The following TRPA1 variants were observed in gnomAD, a reference collection of about 807,000 sequenced individuals.
TRPA1 encodes transient receptor potential cation channel subfamily A member 1, also known as ankyrin-like with transmembrane domains 1.
In TRPA1, 129 loss-of-function variants were observed where a neutral mutation model predicts 131.3. That is an observed-to-expected ratio of 0.98 (90% confidence interval 0.85 to 1.14). The LOEUF is 1.14. TRPA1 is among the 50% of genes most tolerant of loss of function. The pLI is 0.00. For synonymous variants in TRPA1, 441 were observed against 451.7 expected (o/e 0.98, Z 0.30); for missense variants, 1,304 against 1,354.2 (o/e 0.96, Z 0.58).
chr8:72,058,793 C>T (rs111777620), intron 8 of TRPA1, among the ~76,000 whole-genome samples: 84 of 152,228 alleles, frequency 5.5e-4, no homozygotes, highest in Admixed American at 1.6e-3. Flanking sequence ...AATGGAAATC[C>T]GTCATTGCTG....
intron 23 of TRPA1, among the ~76,000 whole-genome samples, chr8:72,031,294 C>T (rs1305142288): frequency 6.6e-6 from 1 of 152,146 alleles, no homozygotes. Context: ...AACCAACCAT[C>T]TCTGCCAGGC....
Position 72,039,785 on chromosome 8 carries a change from T to A in TRPA1, c.2074A>T (p.Asn692Tyr). 1 of 1,607,824 alleles carries A rather than the reference T, an allele frequency of 6.2e-7. No homozygotes were observed. Among genetic ancestry groups the A allele is most frequent in the Non-Finnish European group, 8.5e-7 (1 of 1,174,988 alleles). The change falls in exon 18 of 27, where the codon AAT becomes TAT. Residue 692 changes from asparagine to tyrosine, a missense_variant. Coordinates refer to ENST00000262209, the MANE Select transcript of TRPA1 (RefSeq NM_007332.3). ...TGATTGAGAAGCTCTATGCGGTTAT[T>A]TTGTACCATTGCCTGAGAAATAAAA... ...PLTALNAMVQ[N>Y]NRIELLNHPV... is the part of the protein sequence containing the mutation.
intron 1 of TRPA1, among the ~76,000 whole-genome samples, chr8:72,073,877 T>C (rs1806117688): frequency 6.6e-6 from 1 of 152,208 alleles, no homozygotes; most frequent in African/African-American, 2.4e-5. Flanking sequence ...ACAGTTATCA[T>C]GCTAACATTA....
At chr8:72,059,003 T>A (rs964045096) in intron 8 of TRPA1, among the ~76,000 whole-genome samples, 1 of 152,078 alleles carries the variant, frequency 6.6e-6, no homozygotes, top group African/African-American at 2.4e-5. Flanking sequence ...GGGATAGGAG[T>A]TTCCCCCCGT....
rs762351094 is a variant in TRPA1, at chr8:72,037,978, C to A, written c.2385+5G>T. 1 of 1,555,872 alleles carries A rather than the reference C, an allele frequency of 6.4e-7. No individual in the cohort carries two copies. Among genetic ancestry groups the A allele is most frequent in the African/African-American group, 1.4e-5 (1 of 73,548 alleles). The stretch of plus-strand genomic sequence containing the variant: ...AACTTTAGAGATACAAAATGTATTA[C>A]ATACCTGTTGGAAAATTTGCCCCGC... On this transcript the variant is annotated splice_donor_5th_base_variant and intron_variant, in intron 20 of 26. Transcript: ENST00000262209.
Position 72,053,858 on chromosome 8 carries a change from A to G in TRPA1, c.1539T>C (p.Asn513=), listed in dbSNP as rs755149414. The change falls in exon 13 of 27, where the codon AAT becomes AAC. Residue 513 remains asparagine (N), a synonymous_variant. Coordinates refer to ENST00000262209, the MANE Select transcript of TRPA1 (RefSeq NM_007332.3). ...KKGALFLSDH[N]GWTALHHASM... ...ACGCATGATGCAAAGCTGTCCAGCCATTGTGGTCACTGGTAAAGAGTTAAG... is the reference window on the plus strand; with the variant it reads ...ACGCATGATGCAAAGCTGTCCAGCCGTTGTGGTCACTGGTAAAGAGTTAAG... 1.4e-4 allele frequency: 219 copies of G among 1,610,988 alleles called. No homozygotes were observed. The highest frequency in any genetic ancestry group is 1.7e-4 in the Admixed American group (10 of 59,844).
chr8:72,022,861 A>AAGT lies in TRPA1; in HGVS notation c.*42_*44dup. ...TTTTAAATTGAAAGTTAGAACCAGC[A>AAGT]AGTCATGCACCCCCCATTAGAAGCC... On this transcript the variant is annotated 3_prime_UTR_variant, in exon 27 of 27. Coordinates refer to ENST00000262209, the MANE Select transcript of TRPA1 (RefSeq NM_007332.3). 1.9e-6 allele frequency: 3 copies of AAGT among 1,553,184 alleles called. No homozygotes were observed. The highest frequency in any genetic ancestry group is 2.7e-6 in the Non-Finnish European group (3 of 1,125,792).
At chr8:72,056,009 A>G in intron 10 of TRPA1, 154 bp from the exon 11 acceptor site, 1 of 697,204 alleles carries the variant, frequency 1.4e-6, no homozygotes, top group South Asian at 1.8e-5. Context: ...TGAGAGTAAT[A>G]TAAATATGAA....
At chr8:72,065,821 A>C (rs1805918291) in intron 3 of TRPA1, among the ~76,000 whole-genome samples, 1 of 152,224 alleles carries the variant, frequency 6.6e-6, no homozygotes, top group South Asian at 2.1e-4. Flanking sequence ...TAAGAATTAT[A>C]GATACTAGTT....
chr8:72,034,219 A>G lies in TRPA1; in HGVS notation c.2685+29T>C, dbSNP rs369873657. On this transcript the variant is annotated intron_variant, in intron 22 of 26. Transcript: ENST00000262209. Reference sequence around the variant, plus strand: ...ATATATTTCCATAATTCACAGCGACAAAATCAACTACTGATGTAACTGTCT... The same window carrying G: ...ATATATTTCCATAATTCACAGCGACGAAATCAACTACTGATGTAACTGTCT... 4 of 1,588,142 alleles carry G rather than the reference A, an allele frequency of 2.5e-6. No individual in the cohort carries two copies. The South Asian group carries it at 3.5e-5, about 14-fold the overall frequency.
At chr8:72,069,220 T>A (rs1806001062) in intron 2 of TRPA1, 22 bp from the exon 3 acceptor site, 5 of 1,613,820 alleles carry the variant, frequency 3.1e-6, no homozygotes, top group Non-Finnish European at 3.4e-6. Flanking sequence ...AACCAGAATA[T>A]GGATTAAATT....
intron 25 of TRPA1, among the ~76,000 whole-genome samples, chr8:72,024,856 G>A (rs529654449): frequency 5.3e-5 from 8 of 152,178 alleles, no homozygotes; most frequent in Admixed American, 2.6e-4. Context: ...ATACTGTGGC[G>A]TTAGAATAAA....
At chr8:72,041,054 G>A (rs1189448959) in intron 17 of TRPA1, 2 of 151,942 alleles carry the variant, frequency 1.3e-5, no homozygotes, top group African/African-American at 4.8e-5. Flanking sequence ...AACCTGAAGT[G>A]AAAAGAAACA....
intron 25 of TRPA1, among the ~76,000 whole-genome samples, chr8:72,024,438 G>A (rs2383842): frequency 0.48 from 73,504 of 151,898 alleles, 18,214 homozygotes; most frequent in East Asian, 0.77. Flanking sequence ...AATTCTAGGA[G>A]TTCAGGCAAG....
the TRPA1 span, among the ~76,000 whole-genome samples, chr8:72,083,167 CATT>C: frequency 6.6e-6 from 1 of 151,968 alleles, no homozygotes; most frequent in African/African-American, 2.4e-5. Flanking sequence ...ATTAAAATTC[CATT>C]GTTGTTTTGT....
rs183371900 is a variant in TRPA1 at position 72,044,483 on chromosome 8, A to G, written c.2061+2030T>C. On this transcript the variant is annotated intron_variant, in intron 17 of 26. Transcript: ENST00000262209. ...TTGTAACTCTGCTTTTAAACTAATAACAAATACAGAAAACCTACCCCTTGA... is the reference window on the plus strand; with the variant it reads ...TTGTAACTCTGCTTTTAAACTAATAGCAAATACAGAAAACCTACCCCTTGA... Among the ~76,000 whole-genome samples, 5 of 152,124 alleles carry G rather than the reference A, an allele frequency of 3.3e-5. 1 individual carries two copies. The highest frequency in any genetic ancestry group is 1.2e-4 in the African/African-American group (5 of 41,546).
chr8:72,057,730 C>A lies in TRPA1; in HGVS notation c.1080G>T (p.Leu360Phe). ...CCCTCTTGGTACCTTTAGAGAGTAG[C>A]AAATTTACAATATTCCAAGATGCAG... ...TASASWNIVN[L>F]LLSKGAQVDI... The change falls in exon 9 of 27, where the codon TTG becomes TTT. Residue 360 changes from leucine (L) to phenylalanine (F), a missense_variant. Physicochemically the swap from Leu to Phe is conservative, Grantham distance 22. Transcript: ENST00000262209. The A allele has an allele frequency of 2.5e-6, 4 of 1,613,558 alleles. No individual in the cohort carries two copies. Among genetic ancestry groups the A allele is most frequent in the Non-Finnish European group, 3.4e-6 (4 of 1,179,642 alleles).
intron 12 of TRPA1, 102 bp downstream of exon 12, chr8:72,055,334 G>A (rs1805634759): frequency 2.1e-6 from 2 of 935,994 alleles, no homozygotes; most frequent in African/African-American, 1.7e-5. Flanking sequence ...AGTACTTAGT[G>A]AGATATAAAG....
chr8:72,046,529 G>T lies in TRPA1; in HGVS notation c.2045C>A (p.Pro682Gln). ...TGAACTTACGTTGAGGGCTGTAAGC[G>T]GTTCATATATAACATCCTGTGTAGG... is the stretch of plus-strand genomic sequence containing the variant. ...KTPTQDVIYE[P>Q]LTALNAMVQN... The change falls in exon 17 of 27, where the codon CCG becomes CAG. Residue 682 changes from proline (P) to glutamine (Q), a missense_variant. Coordinates refer to ENST00000262209, the MANE Select transcript of TRPA1 (RefSeq NM_007332.3). 1 of 1,586,540 alleles carries T rather than the reference G, an allele frequency of 6.3e-7. No individual in the cohort carries two copies. The highest frequency in any genetic ancestry group is 8.6e-7 in the Non-Finnish European group (1 of 1,159,932).
Sources: gnomAD v4.1 joint callset for allele counts (sites outside exome capture counted in the v4.1 genomes callset) on GRCh38, gnomAD v4.1.1 for gene constraint, MANE v1.5 for transcripts, NCBI Gene and HGNC (gene_info 2026-07-23, HGNC 2026-07-21) for gene names.